The following VPS13A variants were observed in gnomAD, a reference collection of about 807,000 sequenced individuals.
VPS13A encodes vacuolar protein sorting 13 homolog A.
A neutral mutation model predicts 390.9 loss-of-function variants in VPS13A; 264 were observed. The ratio of observed to expected loss-of-function variants is 0.68; its 90% confidence interval spans 0.61 to 0.75. VPS13A has a LOEUF of 0.75. Among genes scored for constraint, VPS13A ranks in the 30% least tolerant of loss-of-function variants. VPS13A has a pLI of 0.00. For synonymous variants in VPS13A, 1,231 were observed against 1,227.1 expected (o/e 1.00, Z -0.07); for missense variants, 3,409 against 3,733.9 (o/e 0.91, Z 2.27).
In VPS13A at chr9:77,376,063, A is replaced by G. The variant is rs57991792; in HGVS notation, c.9077+4914A>G. ...TTCAGTGATCAGGGATGCTTAACTCATAAGATTATATTTGAGGAGAGACCT... is the reference window on the plus strand; with the variant it reads ...TTCAGTGATCAGGGATGCTTAACTCGTAAGATTATATTTGAGGAGAGACCT... On this transcript the variant is annotated intron_variant, in intron 67 of 71. Coordinates refer to ENST00000360280, the MANE Select transcript of VPS13A (RefSeq NM_033305.3). Among the ~76,000 whole-genome samples the G allele has an allele frequency of 9.0e-3, 1,364 of 152,290 alleles. 15 individuals carry two copies. The highest frequency in any genetic ancestry group is 0.021 in the East Asian group (111 of 5,186).
At position 77,224,232 on chromosome 9, in the gene VPS13A, T is replaced by C. The variant is rs539547092; in HGVS notation, c.1162-1694T>C. ...AGATGAATGTTGTTTTCATGCCTGCTAACACCACATCTGTTCTGCCACCCA... is the reference window on the plus strand; with the variant it reads ...AGATGAATGTTGTTTTCATGCCTGCCAACACCACATCTGTTCTGCCACCCA... On this transcript the variant is annotated intron_variant, in intron 13 of 71. Transcript: ENST00000360280. Among the ~76,000 whole-genome samples, 88 of 152,344 alleles carry C rather than the reference T, an allele frequency of 5.8e-4. 2 individuals carry two copies. Among genetic ancestry groups the C allele is most frequent in the Admixed American group, 1.2e-3 (18 of 15,300 alleles).
intron 3 of VPS13A, among the ~76,000 whole-genome samples, chr9:77,204,084 T>C (rs1331450516): frequency 2.0e-5 from 3 of 152,204 alleles, no homozygotes; most frequent in Admixed American, 6.5e-5. Flanking sequence ...TATTATATGA[T>C]GAAATCTTTT....
chr9:77,285,205 G>C (rs1309005691), intron 31 of VPS13A, among the ~76,000 whole-genome samples: 1 of 152,116 alleles, frequency 6.6e-6, no homozygotes, highest in African/African-American at 2.4e-5. Flanking sequence ...AGAGGCATAA[G>C]GTTTTTGCCC....
chr9:77,182,301 C>G (rs1353911472), intron 1 of VPS13A, among the ~76,000 whole-genome samples: 1 of 152,104 alleles, frequency 6.6e-6, no homozygotes, highest in East Asian at 1.9e-4. Context: ...ACCACGTCAA[C>G]CAGGCTGGTC....
intron 3 of VPS13A, 27 bp from the exon 4 acceptor site, chr9:77,205,286 C>CTTT: frequency 5.0e-6 from 5 of 1,006,166 alleles, no homozygotes; most frequent in Admixed American, 2.6e-5. Context: ...ATTTTTTGTC[C>CTTT]TTTTTTTTTT....
In VPS13A at chr9:77,318,608, A is replaced by G. The variant is rs1327963547; in HGVS notation, c.5313+17A>G. 3.2e-6 allele frequency: 5 copies of G among 1,573,526 alleles called. No homozygotes were observed. Among genetic ancestry groups the G allele is most frequent in the Non-Finnish European group, 4.4e-6 (5 of 1,143,484 alleles). On this transcript the variant is annotated intron_variant, in intron 41 of 71. Transcript: ENST00000360280. ...GAGCTAGAAGTAAGCATATTTTTCC[A>G]GTTTTATAACAGATAATGATACGTA...
intron 22 of VPS13A, among the ~76,000 whole-genome samples, chr9:77,258,165 C>T (rs17337986): frequency 0.079 from 12,083 of 152,074 alleles, 604 homozygotes; most frequent in East Asian, 0.13. Flanking sequence ...GTAACAGCAC[C>T]TTTTTTCTCC....
intron 31 of VPS13A, among the ~76,000 whole-genome samples, chr9:77,290,061 C>T (rs865776762): frequency 2.0e-5 from 3 of 152,090 alleles, no homozygotes; most frequent in Admixed American, 1.3e-4. Context: ...GGATTACAGG[C>T]GTGAGCCACC....
intron 46 of VPS13A, among the ~76,000 whole-genome samples, chr9:77,335,909 A>G (rs1340099172): frequency 6.6e-6 from 1 of 152,226 alleles, no homozygotes; most frequent in Non-Finnish European, 1.5e-5. Context: ...ATACACACAT[A>G]TGTTTATTGC....
chr9:77,321,925 A>G (rs911906442), intron 44 of VPS13A, among the ~76,000 whole-genome samples, 179 bp downstream of exon 44: 9 of 151,838 alleles, frequency 5.9e-5, no homozygotes, highest in African/African-American at 1.7e-4. Context: ...CTTGGTTACT[A>G]TTGTTACTAA....
At chr9:77,297,497 C>T (rs1587520294) in intron 33 of VPS13A, among the ~76,000 whole-genome samples, 1 of 150,794 alleles carries the variant, frequency 6.6e-6, no homozygotes, top group African/African-American at 2.4e-5. Flanking sequence ...ATTTTTTTTT[C>T]CAACTCTTTG....
chr9:77,214,292 G>A, intron 9 of VPS13A, 37 bp from the exon 10 acceptor site: 2 of 1,572,898 alleles, frequency 1.3e-6, no homozygotes, highest in Non-Finnish European at 8.7e-7. Flanking sequence ...AGACATATTG[G>A]CATGAATATA....
At position 77,345,201 on chromosome 9, in the gene VPS13A, G is replaced by GT. The variant is rs1238165107; in HGVS notation, c.7289+67dup. The GT allele has an allele frequency of 8.1e-5, 125 of 1,551,394 alleles. 1 individual carries two copies. The highest frequency in any genetic ancestry group is 1.7e-4 in the Middle Eastern group (1 of 5,868). On this transcript the variant is annotated intron_variant, in intron 52 of 71. Transcript: ENST00000360280. The stretch of plus-strand genomic sequence containing the variant: ...GTGTAAGTCTAGATGATGAGGCACA[G>GT]TTTTTTTTGATAATTTCTTAAGAGT...
intron 67 of VPS13A, among the ~76,000 whole-genome samples, chr9:77,374,229 A>G (rs142734166): frequency 9.1e-4 from 139 of 152,264 alleles, no homozygotes; most frequent in African/African-American, 3.1e-3. Context: ...ACTTAGCCCT[A>G]TATATACTGT....
chr9:77,330,633 G>C (rs1830232785), intron 45 of VPS13A, among the ~76,000 whole-genome samples: 1 of 152,104 alleles, frequency 6.6e-6, no homozygotes, highest in Non-Finnish European at 1.5e-5. Flanking sequence ...AAATATGTTG[G>C]AAAACTTGCA....
chr9:77,276,649 A>G (rs1468082881), intron 26 of VPS13A, among the ~76,000 whole-genome samples: 1 of 152,220 alleles, frequency 6.6e-6, no homozygotes, highest in Non-Finnish European at 1.5e-5. Flanking sequence ...GCTCTAGAGG[A>G]GGGTCCATTT....
At chr9:77,178,431 C>CT (rs1823789626) in intron 1 of VPS13A, among the ~76,000 whole-genome samples, 1 of 152,212 alleles carries the variant, frequency 6.6e-6, no homozygotes. Context: ...AAAGGAAACT[C>CT]AAGTGCAAAG....
chr9:77,210,816 G>T, intron 7 of VPS13A, 141 bp downstream of exon 7: 1 of 817,836 alleles, frequency 1.2e-6, no homozygotes, highest in Non-Finnish European at 2.0e-6. Flanking sequence ...GATTGGAATC[G>T]AGGGTATGTA....
chr9:77,268,230 C>T (rs771912025), intron 23 of VPS13A, among the ~76,000 whole-genome samples: 8 of 152,180 alleles, frequency 5.3e-5, no homozygotes, highest in Non-Finnish European at 8.8e-5. Context: ...TGATGTTTGC[C>T]CAAATGGTTG....
Sources: allele counts gnomAD v4.1 joint callset (sites outside exome capture counted in the v4.1 genomes callset), GRCh38; gene constraint gnomAD v4.1.1; transcripts MANE v1.5; gene names NCBI Gene and HGNC (gene_info 2026-07-23, HGNC 2026-07-21).